The following AASS variants were observed in gnomAD, a reference collection of about 807,000 sequenced individuals.
AASS encodes the protein aminoadipate-semialdehyde synthase.
A neutral mutation model predicts 105.4 loss-of-function variants in AASS; 86 were observed. The ratio of observed to expected loss-of-function variants is 0.82; its 90% CI spans 0.69 to 0.98. The LOEUF (loss-of-function observed/expected upper bound fraction) is 0.98, where lower values mean the gene tolerates loss of function less well. Among genes scored for constraint, AASS ranks in the 50% least tolerant of loss-of-function variants. AASS has a pLI of 0.00. For synonymous variants in AASS, 381 were observed against 394.8 expected (o/e 0.96, Z 0.41); for missense variants, 1,048 against 1,143.2 (o/e 0.92, Z 1.20).
chr7:122,100,662 C>T (rs1293325996), intron 13 of AASS, among the ~76,000 whole-genome samples: 1 of 151,530 alleles, frequency 6.6e-6, no homozygotes, highest in Non-Finnish European at 1.5e-5. Context: ...GTGAAAAGAC[C>T]AGCAGAGTAG....
Position 122,118,109 on chromosome 7 carries a change from A to ACACACATACACACACACATATATATACG in AASS, c.687+197_687+198insCGTATATATATGTGTGTGTGTATGTGTG, listed in dbSNP as rs1441779940. On this transcript the variant is annotated intron_variant, in intron 6 of 23. Transcript: ENST00000417368. ...CACATACACACACACATATATATAC[A>ACACACATACACACACACATATATATACG]CACACATACACATACACACATACAC... 2.0e-4 allele frequency among the ~76,000 whole-genome samples: 31 copies of ACACACATACACACACACATATATATACG among 152,270 alleles called. No homozygotes were observed. The South Asian group carries it at 6.0e-3, about 30-fold the overall frequency.
At chr7:122,098,704 T>C (rs1394901570) in intron 14 of AASS, 41 bp downstream of exon 14, 4 of 1,600,094 alleles carry the variant, frequency 2.5e-6, no homozygotes, top group South Asian at 1.1e-5. Flanking sequence ...CAACACGCTA[T>C]AAAATACATT....
chr7:122,077,160 A>AT (rs374201012), intron 23 of AASS, among the ~76,000 whole-genome samples: 23 of 150,582 alleles, frequency 1.5e-4, no homozygotes, highest in East Asian at 5.8e-4. Flanking sequence ...GCTACTATAC[A>AT]TTTTTTTTTC....
intron 18 of AASS, among the ~76,000 whole-genome samples, chr7:122,088,428 G>A (rs1196045243): frequency 6.6e-6 from 1 of 152,080 alleles, no homozygotes; most frequent in African/African-American, 2.4e-5. Context: ...GGTGAAAACT[G>A]AGGCTGAGTC....
At chr7:122,124,519 G>C (rs1795571467) in intron 4 of AASS, among the ~76,000 whole-genome samples, 1 of 152,174 alleles carries the variant, frequency 6.6e-6, no homozygotes, top group Non-Finnish European at 1.5e-5. Context: ...TGGACCTCAG[G>C]TGATCTGCCC....
At chr7:122,118,909 G>A (rs73224327) in intron 4 of AASS, among the ~76,000 whole-genome samples, 12,983 of 152,062 alleles carry the variant, frequency 0.085, 618 homozygotes, top group East Asian at 0.15. Flanking sequence ...CCTTGGCTCC[G>A]GATCCCATCC....
chr7:122,139,211 G>T (rs563394693), intron 1 of AASS, among the ~76,000 whole-genome samples: 1 of 152,094 alleles, frequency 6.6e-6, no homozygotes, highest in Non-Finnish European at 1.5e-5. Context: ...TTTGTACACG[G>T]AATATGGGAC....
rs561032384 is a variant in AASS, at chr7:122,132,886, T to C, written c.210+631A>G. Among the ~76,000 whole-genome samples the C allele has an allele frequency of 5.9e-5, 9 of 152,152 alleles. No homozygotes were observed. In the East Asian group the frequency reaches 1.7e-3, roughly 29 times the overall value. On this transcript the variant is annotated intron_variant, in intron 2 of 23. Coordinates refer to ENST00000417368, the MANE Select transcript of AASS (RefSeq NM_005763.4). ...AAAGACACACAATAATAAAATGCAA[T>C]AAAGCTTCATTAAGCCTCAATTAAA...
chr7:122,101,816 A>C (rs1794446331), intron 11 of AASS, 136 bp from the exon 12 acceptor site: 2 of 708,778 alleles, frequency 2.8e-6, no homozygotes, highest in Non-Finnish European at 5.0e-6. Context: ...ACCGAGTATA[A>C]GTGATTGCTA....
intron 19 of AASS, among the ~76,000 whole-genome samples, chr7:122,085,732 C>T (rs1054851196): frequency 3.9e-5 from 6 of 152,112 alleles, no homozygotes; most frequent in Admixed American, 3.3e-4. Flanking sequence ...GAAAGAAGAG[C>T]TGAGACGTTA....
At chr7:122,114,435 T>A (rs980517202) in intron 9 of AASS, among the ~76,000 whole-genome samples, 5 of 152,316 alleles carry the variant, frequency 3.3e-5, no homozygotes, top group African/African-American at 1.2e-4. Context: ...AGCAGACATA[T>A]CTTTTACTCT....
chr7:122,102,668 G>T (rs1322608054), intron 11 of AASS, among the ~76,000 whole-genome samples: 1 of 151,950 alleles, frequency 6.6e-6, no homozygotes, highest in African/African-American at 2.4e-5. Flanking sequence ...GTTCTCCAAA[G>T]GACTGAAACC....
At chr7:122,139,084 A>C (rs1283221539) in intron 1 of AASS, among the ~76,000 whole-genome samples, 1 of 152,196 alleles carries the variant, frequency 6.6e-6, no homozygotes, top group African/African-American at 2.4e-5. Context: ...CTTTTGTACA[A>C]TTACACATAT....
chr7:122,078,214 C>G (rs1481495965), intron 22 of AASS, among the ~76,000 whole-genome samples, 200 bp from the exon 23 acceptor site: 1 of 152,094 alleles, frequency 6.6e-6, no homozygotes, highest in African/African-American at 2.4e-5. Flanking sequence ...ATTCCTTTAT[C>G]CGGATTCATG....
At chr7:122,134,149 T>A (rs1796038060) in intron 1 of AASS, among the ~76,000 whole-genome samples, 1 of 152,222 alleles carries the variant, frequency 6.6e-6, no homozygotes. Flanking sequence ...ATCCTTATAA[T>A]GGTATACAAG....
rs534472050 is a variant in AASS at position 122,105,898 on chromosome 7, T to C, written c.1279-4218A>G. 4.6e-5 allele frequency among the ~76,000 whole-genome samples: 7 copies of C among 151,940 alleles called. No homozygotes were observed. In the South Asian group the frequency reaches 1.2e-3, roughly 27 times the overall value. On this transcript the variant is annotated intron_variant, in intron 11 of 23. Coordinates refer to ENST00000417368, the MANE Select transcript of AASS (RefSeq NM_005763.4). The stretch of plus-strand genomic sequence containing the variant: ...ATGGTTAGAGAAGACATAAACAAAA[T>C]AGAGACTTAAAAAATATAAAAGATC...
At chr7:122,118,789 T>C (rs1795311907) in intron 4 of AASS, among the ~76,000 whole-genome samples, 159 bp from the exon 5 acceptor site, 1 of 152,158 alleles carries the variant, frequency 6.6e-6, no homozygotes, top group Non-Finnish European at 1.5e-5. Flanking sequence ...CCTCTCAACT[T>C]TCTGCCATCA....
chr7:122,086,285 A>G, intron 18 of AASS, 106 bp from the exon 19 acceptor site: 1 of 1,128,280 alleles, frequency 8.9e-7, no homozygotes, highest in Non-Finnish European at 1.3e-6. Flanking sequence ...GAAAAAAAAA[A>G]TAAAAATAAT....
At chr7:122,117,521 G>C (rs1374898606) in intron 6 of AASS, among the ~76,000 whole-genome samples, 1 of 152,046 alleles carries the variant, frequency 6.6e-6, no homozygotes, top group African/African-American at 2.4e-5. Context: ...CTTAAAAAAT[G>C]GTTATCGTGA....
Sources: gnomAD v4.1 joint callset for allele counts (sites outside exome capture counted in the v4.1 genomes callset) on GRCh38, gnomAD v4.1.1 for gene constraint, MANE v1.5 for transcripts, NCBI Gene and HGNC (gene_info 2026-07-23, HGNC 2026-07-21) for gene names.